UNC5C: variants seen among roughly 807,000 people sequenced by gnomAD.
The protein encoded by UNC5C is unc-5 netrin receptor C.
UNC5C carries 47 observed loss-of-function variants against 99.8 expected under a neutral mutation model. The observed-to-expected ratio is 0.47, with a 90% CI of 0.37 to 0.60. The LOEUF is 0.60. Among genes scored for constraint, UNC5C ranks in the 20% least tolerant of loss-of-function variants. The pLI, the probability that UNC5C is intolerant of heterozygous loss-of-function variation, is 0.00. For missense variants in UNC5C, 1,062 were observed against 1,165.9 expected (o/e 0.91, Z 1.30); for synonymous variants, 487 against 452.2 (o/e 1.08, Z -0.98).
At chr4:95,446,212 A>T (rs188343115) in intron 1 of UNC5C, among the ~76,000 whole-genome samples, 2 of 152,102 alleles carry the variant, frequency 1.3e-5, no homozygotes, top group African/African-American at 4.8e-5. Context: ...GCATAGCAAG[A>T]TGTAGCCAGA....
chr4:95,396,108 C>A (rs1359929879), intron 1 of UNC5C, among the ~76,000 whole-genome samples: 1 of 152,176 alleles, frequency 6.6e-6, no homozygotes, highest in Middle Eastern at 3.2e-3. Flanking sequence ...CTAGAATAAA[C>A]CCAGAGGATA....
chr4:95,365,499 A>G (rs1318526784), intron 1 of UNC5C, among the ~76,000 whole-genome samples: 1 of 150,586 alleles, frequency 6.6e-6, no homozygotes, highest in Non-Finnish European at 1.5e-5. Context: ...AAAATATATC[A>G]CTAAAAGTAC....
Position 95,301,598 on chromosome 4 carries a change from T to C in UNC5C, c.490+8A>G, listed in dbSNP as rs773826224. On this transcript the variant is annotated splice_region_variant and intron_variant, in intron 3 of 15. Transcript: ENST00000453304. ...GAGACCCAAGGTGCTTATTGTACAA[T>C]GACTCACATGCAATGCGCACATACG... 14 of 1,613,958 alleles carry C rather than the reference T, an allele frequency of 8.7e-6. No individual in the cohort carries two copies. The African/African-American group carries it at 1.5e-4, about 17-fold the overall frequency.
intron 1 of UNC5C, among the ~76,000 whole-genome samples, chr4:95,521,224 C>CTTTTTT (rs1385036212): frequency 7.4e-5 from 2 of 27,106 alleles, no homozygotes; most frequent in Admixed American, 7.4e-4. Context: ...TTTCTTTTTT[C>CTTTTTT]TTTTTTTTTT....
intron 2 of UNC5C, among the ~76,000 whole-genome samples, chr4:95,334,685 A>G (rs972335274): frequency 1.3e-5 from 2 of 151,956 alleles, no homozygotes; most frequent in Non-Finnish European, 2.9e-5. Context: ...AGGTTATTAG[A>G]ATCTACTCCA....
In UNC5C at chr4:95,256,064, C is replaced by T. The variant is rs142095621; in HGVS notation, c.595-5397G>A. On this transcript the variant is annotated intron_variant, in intron 4 of 15. Coordinates refer to ENST00000453304, the MANE Select transcript of UNC5C (RefSeq NM_003728.4). ...CTCCTGACTTGCTTTCTCTGGACAGCACACTTTCCTGGGTTTTGTCCTACA... is the reference window on the plus strand; with the variant it reads ...CTCCTGACTTGCTTTCTCTGGACAGTACACTTTCCTGGGTTTTGTCCTACA... Among the ~76,000 whole-genome samples the T allele has an allele frequency of 4.6e-3, 707 of 152,244 alleles. 3 individuals carry two copies. The highest frequency in any genetic ancestry group is 0.024 in the Middle Eastern group (7 of 294).
Position 95,242,415 on chromosome 4 carries a change from T to C in UNC5C, c.1108+14A>G. 6.2e-7 allele frequency: 1 copy of C among 1,614,082 alleles called. No individual in the cohort carries two copies. Among genetic ancestry groups the C allele is most frequent in the Non-Finnish European group, 8.5e-7 (1 of 1,179,972 alleles). On this transcript the variant is annotated intron_variant, in intron 7 of 15. Coordinates refer to ENST00000453304, the MANE Select transcript of UNC5C (RefSeq NM_003728.4). Reference sequence around the variant, plus strand: ...AGCCCCCTCAATGTCTGCAGTTTGCTTAAATTGACTTACTCTGCATGCAAA... The same window carrying C: ...AGCCCCCTCAATGTCTGCAGTTTGCCTAAATTGACTTACTCTGCATGCAAA...
chr4:95,315,643 G>A (rs1323761074), intron 2 of UNC5C, among the ~76,000 whole-genome samples: 1 of 152,136 alleles, frequency 6.6e-6, no homozygotes, highest in African/African-American at 2.4e-5. Flanking sequence ...AAGAAGAACA[G>A]GAAAGGTAGC....
Position 95,206,756 on chromosome 4 carries a change from C to T in UNC5C, c.1774G>A (p.Val592Met). The T allele has an allele frequency of 6.2e-7, 1 of 1,613,110 alleles. No individual in the cohort carries two copies. Among genetic ancestry groups the T allele is most frequent in the Non-Finnish European group, 8.5e-7 (1 of 1,179,570 alleles). The change falls in exon 11 of 16, where the codon GTG becomes ATG. Residue 592 changes from valine (V) to methionine (M), a missense_variant. Val to Met is a conservative substitution (Grantham distance 21). Coordinates refer to ENST00000453304, the MANE Select transcript of UNC5C (RefSeq NM_003728.4). ...AGAGCTCCTGGGGGCCCACAGCTCACCACAGGGGTCAAAAGTGTCTGAGAG... is the reference window on the plus strand; with the variant it reads ...AGAGCTCCTGGGGGCCCACAGCTCATCACAGGGGTCAAAAGTGTCTGAGAG... ...DDSQTLLTPV[V>M]SCGPPGALLT...
chr4:95,274,121 T>TA (rs1740765551), intron 4 of UNC5C, among the ~76,000 whole-genome samples: 1 of 151,934 alleles, frequency 6.6e-6, no homozygotes, highest in Non-Finnish European at 1.5e-5. Context: ...AGAAGAAGAG[T>TA]AAACAGATAA....
chr4:95,540,407 T>A (rs779568841), intron 1 of UNC5C, among the ~76,000 whole-genome samples: 2 of 152,178 alleles, frequency 1.3e-5, no homozygotes, highest in African/African-American at 4.8e-5. Flanking sequence ...GGGCTTCTGT[T>A]TTCCACCACC....
intron 1 of UNC5C, among the ~76,000 whole-genome samples, chr4:95,439,276 C>T (rs908439342): frequency 5.3e-5 from 8 of 151,970 alleles, no homozygotes; most frequent in Non-Finnish European, 8.8e-5. Context: ...TTTATAAGCA[C>T]GGCTGGCGTG....
chr4:95,337,591 A>G (rs571485530), intron 1 of UNC5C, among the ~76,000 whole-genome samples: 2 of 152,094 alleles, frequency 1.3e-5, no homozygotes, highest in East Asian at 3.9e-4. Context: ...AAATGCTGGG[A>G]AAAAAGTGAT....
intron 8 of UNC5C, 40 bp downstream of exon 8, chr4:95,219,945 A>C (rs375536257): frequency 6.3e-7 from 1 of 1,587,692 alleles, no homozygotes; most frequent in African/African-American, 1.3e-5. Context: ...AACTGCTTAC[A>C]TGCATAAGTA....
chr4:95,513,709 G>A (rs149175543), intron 1 of UNC5C, among the ~76,000 whole-genome samples: 108 of 152,240 alleles, frequency 7.1e-4, no homozygotes, highest in African/African-American at 2.4e-3. Flanking sequence ...AGGCATTAAC[G>A]CAACAGCTTT....
In UNC5C at chr4:95,546,555, A is replaced by G. The variant is rs17024169; in HGVS notation, c.124+2179T>C. On this transcript the variant is annotated intron_variant, in intron 1 of 15. Transcript: ENST00000453304. ...ACCATGAGATTCAAACAAAAATTTT[A>G]CTAATCAAAAACTGAAGGAACTAAA... 8.3e-3 allele frequency among the ~76,000 whole-genome samples: 1,262 copies of G among 152,340 alleles called. 22 individuals are homozygous for G. The highest frequency in any genetic ancestry group is 0.029 in the African/African-American group (1,203 of 41,570).
intron 1 of UNC5C, among the ~76,000 whole-genome samples, chr4:95,449,025 A>G (rs1415163550): frequency 6.6e-6 from 1 of 152,062 alleles, no homozygotes; most frequent in African/African-American, 2.4e-5. Context: ...TACTCCCCAC[A>G]CATCCCCACA....
At chr4:95,207,200 G>A (rs1737912387) in intron 10 of UNC5C, among the ~76,000 whole-genome samples, 1 of 152,072 alleles carries the variant, frequency 6.6e-6, no homozygotes, top group South Asian at 2.1e-4. Context: ...AAATACTTTT[G>A]TGGTTTCAGG....
Position 95,219,314 on chromosome 4 carries a change from C to A in UNC5C, c.1301-1G>T, listed in dbSNP as rs1177023304. 6.2e-7 allele frequency: 1 copy of A among 1,611,296 alleles called. No homozygotes were observed. Among genetic ancestry groups the A allele is most frequent in the African/African-American group, 1.3e-5 (1 of 74,846 alleles). On this transcript the variant is annotated splice_acceptor_variant, in intron 8 of 15. Coordinates refer to ENST00000453304, the MANE Select transcript of UNC5C (RefSeq NM_003728.4). LOFTEE classifies it high-confidence loss of function. ...AGGTCTGGGGGTACAGCCAGCAGAT[C>A]TGAGTCAGAAAGAGAAAATAATCCC...
Sources: gnomAD v4.1 joint callset for allele counts (sites outside exome capture counted in the v4.1 genomes callset) on GRCh38, gnomAD v4.1.1 for gene constraint, MANE v1.5 for transcripts, NCBI Gene and HGNC (gene_info 2026-07-23, HGNC 2026-07-21) for gene names.